AFF1: variants seen among roughly 807,000 people sequenced by gnomAD.
AFF1 encodes the protein ALF transcription elongation factor 1.
Under a neutral mutation model 121.7 loss-of-function variants are expected in AFF1, and 48 were observed. The observed-to-expected ratio is 0.39, with a 90% CI of 0.31 to 0.50. The LOEUF is 0.50. Among genes scored for constraint, AFF1 ranks in the 20% least tolerant of loss-of-function variants. The pLI, the probability that AFF1 is intolerant of heterozygous loss-of-function variation, is 0.76. For synonymous variants in AFF1, 613 were observed against 563.0 expected (o/e 1.09, Z -1.26); for missense variants, 1,523 against 1,511.7 (o/e 1.01, Z -0.12).
At chr4:86,944,390 A>G (rs1429926025) in intron 1 of AFF1, among the ~76,000 whole-genome samples, 2 of 148,366 alleles carry the variant, frequency 1.3e-5, no homozygotes, top group Non-Finnish European at 3.0e-5. Context: ...TTTTTTTTGG[A>G]CAGTCTTGTT....
chr4:87,083,408 G>T (rs1313887340), intron 4 of AFF1, among the ~76,000 whole-genome samples: 1 of 152,176 alleles, frequency 6.6e-6, no homozygotes, highest in Non-Finnish European at 1.5e-5. Flanking sequence ...CTTTAAGTGA[G>T]ATATTTTTAA....
chr4:87,064,192 T>G (rs1022780637), intron 4 of AFF1, among the ~76,000 whole-genome samples: 30 of 152,110 alleles, frequency 2.0e-4, no homozygotes, highest in Admixed American at 2.0e-3. Flanking sequence ...ATAGAAAAAA[T>G]TATAGTACTG....
In AFF1 at chr4:87,125,074, G is replaced by A; in HGVS notation, c.2504G>A (p.Arg835Lys). ...AGAGACTGTGATAACAAGAAAATCAGACTGGAGAAGGAAATCAAATCACAG... is the reference window on the plus strand; with the variant it reads ...AGAGACTGTGATAACAAGAAAATCAAACTGGAGAAGGAAATCAAATCACAG... ...AERDCDNKKI[R>K]LEKEIKSQSS... Residue 835 changes from arginine to lysine, a missense_variant, in exon 13 of 21, where the codon AGA becomes AAA. By Grantham distance (26) the Arg-to-Lys change is conservative. This residue lies in a region of AFF1 where 905 missense variants were observed against 842.5 expected (regional missense o/e 1.07). Coordinates refer to ENST00000395146, the MANE Select transcript of AFF1 (RefSeq NM_001166693.3). The A allele has an allele frequency of 6.2e-7, 1 of 1,609,356 alleles. No individual in the cohort carries two copies.
chr4:87,033,246 C>CA (rs1729241420), intron 2 of AFF1, among the ~76,000 whole-genome samples: 1 of 152,242 alleles, frequency 6.6e-6, no homozygotes, highest in Non-Finnish European at 1.5e-5. Context: ...AATACACAGA[C>CA]ACTTTTCCTT....
In AFF1 at chr4:87,138,420, C is replaced by T. The variant is rs1000529867; in HGVS notation, c.*2719C>T. The T allele has an allele frequency of 2.6e-5, 6 of 232,380 alleles. No individual in the cohort carries two copies. Among genetic ancestry groups the T allele is most frequent in the African/African-American group, 1.3e-4 (6 of 45,232 alleles). The allele number at this position is 232,380 out of a possible 1,614,324, so 14.4% of individuals were successfully genotyped here. A position where few individuals can be genotyped will look rare whatever the true frequency, so the allele number is the denominator to read the frequency against. ...CTTATAACAATAATAGTACACACTT[C>T]AGAGTAAGACAAATGCAAAGCATCT... On this transcript the variant is annotated 3_prime_UTR_variant, in exon 21 of 21. Transcript: ENST00000395146.
In AFF1 at chr4:87,135,962, G is replaced by C; in HGVS notation, c.*261G>C. ...AACTAAAGGACAGAAGTGCAATTTAGCTTAAATGGGTGTATGAATGGTCTA... is the reference window on the plus strand; with the variant it reads ...AACTAAAGGACAGAAGTGCAATTTACCTTAAATGGGTGTATGAATGGTCTA... On this transcript the variant is annotated 3_prime_UTR_variant, in exon 21 of 21. Coordinates refer to ENST00000395146, the MANE Select transcript of AFF1 (RefSeq NM_001166693.3). 7.3e-6 allele frequency: 3 copies of C among 410,994 alleles called. No individual in the cohort carries two copies. Among genetic ancestry groups the C allele is most frequent in the Non-Finnish European group, 1.3e-5 (3 of 238,722 alleles). 25.5% of individuals were successfully genotyped at this position (410,994 alleles called of 1,614,324 possible).
chr4:87,008,063 T>A (rs990000439), intron 2 of AFF1, among the ~76,000 whole-genome samples: 2 of 152,218 alleles, frequency 1.3e-5, no homozygotes, highest in Non-Finnish European at 2.9e-5. Context: ...TTTGTTACTG[T>A]TTTTGTAATG....
intron 11 of AFF1, among the ~76,000 whole-genome samples, chr4:87,110,574 A>G (rs1726389166): frequency 6.6e-6 from 1 of 151,628 alleles, no homozygotes; most frequent in African/African-American, 2.4e-5. Flanking sequence ...CATGAGTTCA[A>G]TTGTTTGAAT....
intron 16 of AFF1, among the ~76,000 whole-genome samples, chr4:87,128,618 G>A (rs1164798518): frequency 2.0e-5 from 3 of 152,158 alleles, no homozygotes; most frequent in Non-Finnish European, 4.4e-5. Flanking sequence ...GAATCAGATT[G>A]ATTCATGGTG....
intron 2 of AFF1, among the ~76,000 whole-genome samples, chr4:86,963,731 C>T (rs920483378): frequency 6.6e-6 from 1 of 151,972 alleles, no homozygotes; most frequent in Admixed American, 6.6e-5. Context: ...CCTTTCCCAG[C>T]TCCTCAGTCT....
At chr4:86,959,387 T>C (rs1216682664) in intron 2 of AFF1, among the ~76,000 whole-genome samples, 1 of 152,196 alleles carries the variant, frequency 6.6e-6, no homozygotes, top group Non-Finnish European at 1.5e-5. Flanking sequence ...AAGAAACCTC[T>C]TTATTGTGTT....
At chr4:87,005,392 C>T (rs551379724) in intron 2 of AFF1, among the ~76,000 whole-genome samples, 2 of 152,282 alleles carry the variant, frequency 1.3e-5, no homozygotes, top group Non-Finnish European at 2.9e-5. Flanking sequence ...TAAGTATTGG[C>T]GAAGCTGGCA....
intron 5 of AFF1, among the ~76,000 whole-genome samples, chr4:87,088,617 G>A (rs984106364): frequency 6.7e-6 from 1 of 148,378 alleles, no homozygotes; most frequent in Admixed American, 6.7e-5. Context: ...TTTTTTTTTT[G>A]TTGTTGAGAC....
chr4:87,070,969 C>T (rs1721975566), intron 4 of AFF1, among the ~76,000 whole-genome samples: 1 of 152,146 alleles, frequency 6.6e-6, no homozygotes, highest in Non-Finnish European at 1.5e-5. Context: ...TAAGTCAACG[C>T]CAAGACAACT....
chr4:87,010,990 A>T (rs1473149157), intron 2 of AFF1, among the ~76,000 whole-genome samples: 5 of 150,778 alleles, frequency 3.3e-5, no homozygotes, highest in South Asian at 4.2e-4. Flanking sequence ...GAGGCAGGAG[A>T]ATGGCGTGAA....
intron 2 of AFF1, among the ~76,000 whole-genome samples, chr4:86,976,970 C>T (rs1307365482): frequency 2.6e-5 from 4 of 152,196 alleles, no homozygotes; most frequent in Non-Finnish European, 5.9e-5. Flanking sequence ...GGAACAATGT[C>T]TGGCACACAG....
chr4:86,977,001 G>T (rs1318715369), intron 2 of AFF1, among the ~76,000 whole-genome samples: 1 of 152,208 alleles, frequency 6.6e-6, no homozygotes, highest in Non-Finnish European at 1.5e-5. Context: ...ATAAATGCAG[G>T]TGATGGTGCC....
At chr4:87,118,794 G>C (rs1417292235) in intron 12 of AFF1, among the ~76,000 whole-genome samples, 1 of 152,178 alleles carries the variant, frequency 6.6e-6, no homozygotes, top group African/African-American at 2.4e-5. Context: ...TTGGTGTTTT[G>C]AACAAAGAAT....
intron 2 of AFF1, among the ~76,000 whole-genome samples, chr4:87,015,984 C>G (rs949032094): frequency 6.6e-6 from 1 of 152,206 alleles, no homozygotes. Flanking sequence ...AGTTTGAGAG[C>G]AGCCTGGTCA....
Sources: gnomAD v4.1 joint callset for allele counts (sites outside exome capture counted in the v4.1 genomes callset) on GRCh38, gnomAD v4.1.1 for gene constraint, gnomAD v4.1.1 regional missense constraint, MANE v1.5 for transcripts, NCBI Gene and HGNC (gene_info 2026-07-23, HGNC 2026-07-21) for gene names.